The following RMST variants were observed in gnomAD, a reference collection of about 807,000 sequenced individuals.
RMST encodes the protein long intergenic non-protein coding RNA 54.
At chr12:97,467,605 A>G (rs545533836) in intron 5 of RMST, among the ~76,000 whole-genome samples, 13 of 152,054 alleles carry the variant, frequency 8.5e-5, no homozygotes, top group African/African-American at 3.1e-4. Flanking sequence ...TGTTTACTAC[A>G]TTTCTCCAAG....
Position 97,468,305 on chromosome 12 carries a change from GAA to G in RMST, n.644+2579_644+2580del, listed in dbSNP as rs552780817. Among the ~76,000 whole-genome samples the G allele has an allele frequency of 5.7e-4, 87 of 152,100 alleles. 1 individual carries two copies. The highest frequency in any genetic ancestry group is 1.9e-3 in the African/African-American group (80 of 41,558). On this transcript the variant is annotated intron_variant and non_coding_transcript_variant, in intron 5 of 13. Transcript: ENST00000640149. ...ATAATTTATTCAGATTTTAAAATAT[GAA>G]CATTGTATTTGCTTAATGGTGTTTA...
At chr12:97,529,232 A>G (rs907981794) in intron 10 of RMST, among the ~76,000 whole-genome samples, 12 of 152,040 alleles carry the variant, frequency 7.9e-5, no homozygotes, top group African/African-American at 2.9e-4. Context: ...CCTCATTTTT[A>G]TATCTTAGGT....
chr12:97,478,851 T>C (rs1247686479), intron 5 of RMST, among the ~76,000 whole-genome samples: 1 of 152,204 alleles, frequency 6.6e-6, no homozygotes, highest in East Asian at 1.9e-4. Context: ...TTTTGCTTGC[T>C]GTAGAGCCTG....
chr12:97,539,943 C>G (rs981041677), intron 11 of RMST, among the ~76,000 whole-genome samples: 1 of 151,610 alleles, frequency 6.6e-6, no homozygotes, highest in Non-Finnish European at 1.5e-5. Flanking sequence ...TCTTTGAACT[C>G]TAATTGGCAT....
At chr12:97,464,031 G>C (rs1358789543) in intron 4 of RMST, among the ~76,000 whole-genome samples, 1 of 152,088 alleles carries the variant, frequency 6.6e-6, no homozygotes, top group East Asian at 1.9e-4. Context: ...TGAGTCGCAC[G>C]CTAAAAAGAA....
chr12:97,505,215 T>C (rs1878534887), intron 10 of RMST, among the ~76,000 whole-genome samples: 1 of 152,220 alleles, frequency 6.6e-6, no homozygotes, highest in Non-Finnish European at 1.5e-5. Context: ...ATTAGAAATA[T>C]ATTAATAGTT....
intron 10 of RMST, among the ~76,000 whole-genome samples, chr12:97,526,318 T>C (rs1881109407): frequency 6.6e-6 from 1 of 152,154 alleles, no homozygotes; most frequent in East Asian, 1.9e-4. Flanking sequence ...AAATGTATCA[T>C]AGAAGTACTT....
intron 10 of RMST, among the ~76,000 whole-genome samples, chr12:97,526,009 A>G (rs1388195232): frequency 6.6e-6 from 1 of 151,980 alleles, no homozygotes; most frequent in African/African-American, 2.4e-5. Context: ...ATGATCTGTC[A>G]CTGTCCCCAT....
intron 10 of RMST, among the ~76,000 whole-genome samples, chr12:97,500,377 A>T (rs1877952428): frequency 6.6e-6 from 1 of 152,162 alleles, no homozygotes; most frequent in Non-Finnish European, 1.5e-5. Context: ...TGAAATCAGG[A>T]AGCACGAGTG....
intron 8 of RMST, among the ~76,000 whole-genome samples, chr12:97,494,247 A>C (rs2136458213): frequency 6.6e-6 from 1 of 152,268 alleles, no homozygotes; most frequent in Non-Finnish European, 1.5e-5. Flanking sequence ...TAAATTGTTA[A>C]TTTTTATAAT....
chr12:97,471,218 A>G (rs1303148707), intron 5 of RMST, among the ~76,000 whole-genome samples: 1 of 152,128 alleles, frequency 6.6e-6, no homozygotes, highest in African/African-American at 2.4e-5. Flanking sequence ...ATAAATATAG[A>G]TAGGGCTTCC....
intron 11 of RMST, among the ~76,000 whole-genome samples, chr12:97,559,457 T>C (rs1369510736): frequency 1.3e-5 from 2 of 152,174 alleles, no homozygotes; most frequent in African/African-American, 4.8e-5. Context: ...TTATTTTTCC[T>C]TAATTGGAAC....
intron 5 of RMST, among the ~76,000 whole-genome samples, chr12:97,468,750 AAAG>A (rs1351415993): frequency 6.6e-6 from 1 of 152,056 alleles, no homozygotes; most frequent in African/African-American, 2.4e-5. Flanking sequence ...GAAAATATTT[AAAG>A]AAGAATTCAA....
At chr12:97,560,129 AG>A (rs1285460353) in intron 11 of RMST, among the ~76,000 whole-genome samples, 1 of 152,122 alleles carries the variant, frequency 6.6e-6, no homozygotes, top group Admixed American at 6.6e-5. Context: ...CTAATTTTCC[AG>A]AAAAAAAAGT....
chr12:97,540,925 AATAG>A (rs71783226), intron 11 of RMST, among the ~76,000 whole-genome samples: 1,530 of 142,110 alleles, frequency 0.011, 16 homozygotes, highest in Non-Finnish European at 0.014. Flanking sequence ...TAGATAGATA[AATAG>A]ATAGAGAGAT....
chr12:97,482,885 G>A (rs951270900), intron 5 of RMST, among the ~76,000 whole-genome samples: 1 of 150,232 alleles, frequency 6.7e-6, no homozygotes, highest in East Asian at 1.9e-4. Context: ...GAGGAACCCA[G>A]AAGCCCCTCA....
chr12:97,485,112 T>A (rs988647321), intron 5 of RMST, among the ~76,000 whole-genome samples: 1 of 152,174 alleles, frequency 6.6e-6, no homozygotes, highest in Non-Finnish European at 1.5e-5. Context: ...CTTAGAATGA[T>A]TGAAGTCATG....
chr12:97,478,327 T>G (rs2136410764), intron 5 of RMST, among the ~76,000 whole-genome samples: 1 of 152,344 alleles, frequency 6.6e-6, no homozygotes, highest in Middle Eastern at 3.4e-3. Context: ...ATTTAATTTC[T>G]TACATCGTAG....
chr12:97,519,451 G>C (rs7979596), intron 10 of RMST, among the ~76,000 whole-genome samples: 5,974 of 152,188 alleles, frequency 0.039, 393 homozygotes, highest in African/African-American at 0.14. Flanking sequence ...CCATTTGTTC[G>C]AGTTTATTAA....
Sources: gnomAD v4.1 joint callset for allele counts (sites outside exome capture counted in the v4.1 genomes callset) on GRCh38, gnomAD v4.1.1 for gene constraint, MANE v1.5 for transcripts, NCBI Gene and HGNC (gene_info 2026-07-23, HGNC 2026-07-21) for gene names.